Variants in NRG3 observed in about 807,000 individuals in gnomAD.
NRG3 encodes pro-neuregulin-3, membrane-bound isoform.
In NRG3, 31 loss-of-function variants were observed where a neutral mutation model predicts 66.9. That is an observed-to-expected ratio of 0.46 (90% CI 0.35 to 0.63). The LOEUF is 0.63. Among genes scored for constraint, NRG3 ranks in the 20% least tolerant of loss-of-function variants. The pLI is 0.00. For synonymous variants in NRG3, 393 were observed against 359.4 expected (o/e 1.09, Z -1.06); for missense variants, 910 against 878.9 (o/e 1.04, Z -0.45).
At chr10:81,965,892 T>C (rs979600822) in intron 1 of NRG3, among the ~76,000 whole-genome samples, 8 of 152,150 alleles carry the variant, frequency 5.3e-5, no homozygotes, top group African/African-American at 1.7e-4. Flanking sequence ...TAAATTATTA[T>C]TATTATTTGG....
At chr10:82,543,863 G>A (rs886576779) in intron 2 of NRG3, among the ~76,000 whole-genome samples, 16 of 152,158 alleles carry the variant, frequency 1.1e-4, no homozygotes, top group African/African-American at 3.6e-4. Context: ...GGCTTAGGGG[G>A]ATAAGCTTCA....
intron 2 of NRG3, among the ~76,000 whole-genome samples, chr10:82,383,795 T>C (rs1230541182): frequency 6.6e-6 from 1 of 151,960 alleles, no homozygotes; most frequent in Non-Finnish European, 1.5e-5. Flanking sequence ...AGGAAGAATT[T>C]TCACAATGGT....
chr10:81,970,793 C>G (rs1269298187), intron 1 of NRG3, among the ~76,000 whole-genome samples: 1 of 152,086 alleles, frequency 6.6e-6, no homozygotes, highest in Non-Finnish European at 1.5e-5. Flanking sequence ...TGGTGGGGCT[C>G]AAACCTCATA....
intron 1 of NRG3, among the ~76,000 whole-genome samples, chr10:82,203,133 G>T (rs1432714708): frequency 6.6e-6 from 1 of 152,090 alleles, no homozygotes; most frequent in Admixed American, 6.6e-5. Flanking sequence ...TGTGTAGGAC[G>T]GATTATAGAA....
At chr10:82,648,320 T>A (rs1312735445) in intron 2 of NRG3, among the ~76,000 whole-genome samples, 4 of 151,884 alleles carry the variant, frequency 2.6e-5, no homozygotes, top group African/African-American at 9.7e-5. Flanking sequence ...GTTGTAGATA[T>A]GCGGCATTAT....
At chr10:82,659,697 GA>G (rs1004199621) in intron 2 of NRG3, among the ~76,000 whole-genome samples, 23 of 149,162 alleles carry the variant, frequency 1.5e-4, no homozygotes, top group East Asian at 5.9e-4. Context: ...ATATTCTAAA[GA>G]AAAAAAAAAT....
At chr10:82,488,656 T>C (rs1472791655) in intron 2 of NRG3, among the ~76,000 whole-genome samples, 1 of 152,078 alleles carries the variant, frequency 6.6e-6, no homozygotes, top group Non-Finnish European at 1.5e-5. Context: ...GACTTGGCCC[T>C]CAAAGGGGAA....
At chr10:81,905,641 C>T (rs1421382416) in intron 1 of NRG3, among the ~76,000 whole-genome samples, 1 of 152,088 alleles carries the variant, frequency 6.6e-6, no homozygotes, top group Non-Finnish European at 1.5e-5. Context: ...ATTTTTGGTT[C>T]CTTCTGGAAG....
intron 3 of NRG3, among the ~76,000 whole-genome samples, chr10:82,761,964 CTTTCTTTCTTTT>C (rs1452408249): frequency 1.0e-4 from 11 of 110,044 alleles, no homozygotes; most frequent in African/African-American, 3.4e-4. Context: ...TTCTTTCTTT[CTTTCTTTCTTTT>C]CTTTCTTTCT....
intron 1 of NRG3, among the ~76,000 whole-genome samples, chr10:82,097,304 T>G (rs1232860063): frequency 6.6e-6 from 1 of 150,424 alleles, no homozygotes; most frequent in African/African-American, 2.5e-5. Flanking sequence ...GTATCTTTGT[T>G]TCATCATTTG....
At chr10:82,975,712 A>G (rs1852188145) in intron 7 of NRG3, among the ~76,000 whole-genome samples, 2 of 152,348 alleles carry the variant, frequency 1.3e-5, no homozygotes, top group South Asian at 4.1e-4. Flanking sequence ...ACTGATTTAT[A>G]TATCCTGCAA....
intron 1 of NRG3, among the ~76,000 whole-genome samples, chr10:82,065,539 T>C (rs1478531697): frequency 6.6e-6 from 1 of 152,138 alleles, no homozygotes; most frequent in Non-Finnish European, 1.5e-5. Context: ...TGTGTAGGAC[T>C]CCAGTCCCTG....
intron 1 of NRG3, among the ~76,000 whole-genome samples, chr10:82,283,730 A>T (rs11193412): frequency 0.48 from 72,457 of 151,984 alleles, 20,853 homozygotes; most frequent in African/African-American, 0.81. Flanking sequence ...TCATGGAAGT[A>T]GCCTGTTGTG....
chr10:82,962,498 G>C (rs1850755733), intron 6 of NRG3, among the ~76,000 whole-genome samples: 1 of 152,032 alleles, frequency 6.6e-6, no homozygotes, highest in South Asian at 2.1e-4. Flanking sequence ...CATTAAATGA[G>C]AAAGAACTGG....
chr10:82,393,159 A>G (rs1404573867), intron 2 of NRG3, among the ~76,000 whole-genome samples: 2 of 152,070 alleles, frequency 1.3e-5, no homozygotes, highest in Non-Finnish European at 2.9e-5. Flanking sequence ...ACTGAGACAA[A>G]GGTGTAGCTG....
chr10:82,100,566 T>C (rs2066666899), intron 1 of NRG3, among the ~76,000 whole-genome samples: 1 of 152,240 alleles, frequency 6.6e-6, no homozygotes, highest in African/African-American at 2.4e-5. Flanking sequence ...GAAGTTCCCA[T>C]CTATTTTAGT....
intron 1 of NRG3, among the ~76,000 whole-genome samples, chr10:82,146,748 G>A (rs1217064620): frequency 6.6e-6 from 1 of 152,136 alleles, no homozygotes. Flanking sequence ...TCTGGCCTAA[G>A]CTTGTTATGA....
intron 4 of NRG3, among the ~76,000 whole-genome samples, chr10:82,879,604 G>C (rs1365864074): frequency 6.6e-6 from 1 of 151,886 alleles, no homozygotes; most frequent in South Asian, 2.1e-4. Context: ...TCTGGAGTAG[G>C]TGGGACTACA....
At chr10:82,058,802 A>T (rs7077405) in intron 1 of NRG3, among the ~76,000 whole-genome samples, 37,322 of 152,012 alleles carry the variant, frequency 0.25, 4,712 homozygotes, top group Middle Eastern at 0.33. Context: ...ACTACAGACA[A>T]CTGAAGAGGC....
Sources: gnomAD v4.1 joint callset for allele counts (sites outside exome capture counted in the v4.1 genomes callset) on GRCh38, gnomAD v4.1.1 for gene constraint, MANE v1.5 for transcripts, NCBI Gene and HGNC (gene_info 2026-07-23, HGNC 2026-07-21) for gene names.